Variants in MSRA observed in about 807,000 individuals in gnomAD.
MSRA encodes mitochondrial peptide methionine sulfoxide reductase.
Under a neutral mutation model 31.3 loss-of-function variants are expected in MSRA, and 54 were observed. The ratio of observed to expected loss-of-function variants is 1.73; its 90% confidence interval spans 1.39 to 2.17. MSRA has a LOEUF of 2.17. Ranked by LOEUF, MSRA falls within the 30% of genes most tolerant of loss-of-function variation. The pLI, the probability that MSRA is intolerant of heterozygous loss-of-function variation, is 0.00. For synonymous variants in MSRA, 169 were observed against 116.5 expected (o/e 1.45, Z -2.90); for missense variants, 507 against 300.9 (o/e 1.69, Z -5.07).
At chr8:10,252,074 T>C (rs1294490229) in intron 3 of MSRA, among the ~76,000 whole-genome samples, 4 of 152,258 alleles carry the variant, frequency 2.6e-5, no homozygotes, top group Admixed American at 6.5e-5. Flanking sequence ...AGCTGTATTA[T>C]ATGTTGATGT....
Position 10,165,856 on chromosome 8 carries a change from C to T in MSRA, c.143-41977C>T, listed in dbSNP as rs144508261. ...TCAAACACCATTCTCAGTTTTAAAA[C>T]GTGTTAAATAACTCTGTGAGCAGTT... On this transcript the variant is annotated intron_variant, in intron 1 of 5. Coordinates refer to ENST00000317173, the MANE Select transcript of MSRA (RefSeq NM_012331.5). Among the ~76,000 whole-genome samples, 44 of 151,870 alleles carry T rather than the reference C, an allele frequency of 2.9e-4. 2 individuals carry two copies. The East Asian group carries it at 5.4e-3, about 19-fold the overall frequency.
intron 3 of MSRA, among the ~76,000 whole-genome samples, chr8:10,274,649 C>A (rs1799223614): frequency 6.6e-6 from 1 of 152,116 alleles, no homozygotes; most frequent in Non-Finnish European, 1.5e-5. Context: ...CATGTGTTAT[C>A]CATATGCCTG....
At chr8:10,395,165 G>A (rs911672312) in intron 5 of MSRA, among the ~76,000 whole-genome samples, 6 of 152,144 alleles carry the variant, frequency 3.9e-5, no homozygotes, top group African/African-American at 1.2e-4. Flanking sequence ...GTGGCCGGGG[G>A]GAAGACTTTG....
chr8:10,231,051 G>T (rs1210414380), intron 2 of MSRA, among the ~76,000 whole-genome samples: 4 of 152,194 alleles, frequency 2.6e-5, no homozygotes, highest in African/African-American at 4.8e-5. Flanking sequence ...CTCCCAAAGT[G>T]CTGGGATTAC....
At chr8:10,231,466 G>A (rs995869674) in intron 2 of MSRA, among the ~76,000 whole-genome samples, 1 of 152,198 alleles carries the variant, frequency 6.6e-6, no homozygotes, top group East Asian at 1.9e-4. Flanking sequence ...GAGCCCCCCA[G>A]GTGGGGATCC....
Position 10,382,270 on chromosome 8 carries a change from C to T in MSRA, c.544-45878C>T, listed in dbSNP as rs578224764. Among the ~76,000 whole-genome samples, 4 of 152,312 alleles carry T rather than the reference C, an allele frequency of 2.6e-5. No individual in the cohort carries two copies. In the East Asian group the frequency reaches 7.7e-4, roughly 29 times the overall value. ...GCAGGCCCAGCAGCCCAGGAGCCTT[C>T]AGGCTTGAAGATGGCCCTGCCCTCA... is the stretch of plus-strand genomic sequence containing the variant. On this transcript the variant is annotated intron_variant, in intron 5 of 5. Transcript: ENST00000317173.
chr8:10,335,260 T>TG (rs1160001137), intron 5 of MSRA, among the ~76,000 whole-genome samples: 4 of 147,860 alleles, frequency 2.7e-5, no homozygotes, highest in Admixed American at 6.7e-5. Context: ...GTTTTTTTTT[T>TG]TTTTTTTTTT....
chr8:10,299,865 A>G (rs1800749034), intron 3 of MSRA, among the ~76,000 whole-genome samples: 2 of 152,252 alleles, frequency 1.3e-5, no homozygotes. Context: ...ACATTGATTT[A>G]GAAATTCCAT....
intron 1 of MSRA, among the ~76,000 whole-genome samples, chr8:10,108,645 G>T (rs750282510): frequency 1.1e-4 from 16 of 152,100 alleles, no homozygotes; most frequent in Non-Finnish European, 7.3e-5. Flanking sequence ...AGAAACTTTG[G>T]CCTGTGAGCA....
At chr8:10,198,694 G>C (rs1808211356) in intron 1 of MSRA, among the ~76,000 whole-genome samples, 1 of 152,182 alleles carries the variant, frequency 6.6e-6, no homozygotes, top group Admixed American at 6.5e-5. Flanking sequence ...GACAGTCATA[G>C]CTCAATGCAG....
At chr8:10,376,050 T>G (rs982614794) in intron 5 of MSRA, among the ~76,000 whole-genome samples, 1 of 152,148 alleles carries the variant, frequency 6.6e-6, no homozygotes, top group South Asian at 2.1e-4. Context: ...CTGGGGAAGA[T>G]TGCGTCTTCG....
chr8:10,172,396 G>C (rs1202671803), intron 1 of MSRA, among the ~76,000 whole-genome samples: 1 of 152,108 alleles, frequency 6.6e-6, no homozygotes, highest in East Asian at 1.9e-4. Context: ...TTCTGGCGCT[G>C]TCTCTGAAGC....
intron 2 of MSRA, among the ~76,000 whole-genome samples, chr8:10,231,634 G>A (rs1811482037): frequency 6.6e-6 from 1 of 152,234 alleles, no homozygotes; most frequent in Non-Finnish European, 1.5e-5. Context: ...CGGGTGCAGT[G>A]GCTCACGCCT....
intron 3 of MSRA, among the ~76,000 whole-genome samples, chr8:10,278,449 C>T (rs965941280): frequency 4.6e-5 from 7 of 152,190 alleles, no homozygotes; most frequent in Non-Finnish European, 5.9e-5. Flanking sequence ...GCTTTCCTCA[C>T]GTGGCAATTC....
At chr8:10,352,095 C>G (rs1428826596) in intron 5 of MSRA, among the ~76,000 whole-genome samples, 3 of 152,304 alleles carry the variant, frequency 2.0e-5, no homozygotes, top group South Asian at 2.1e-4. Flanking sequence ...AAATAGCTTC[C>G]TAGCTCCTGA....
chr8:10,350,870 C>T (rs1345173291), intron 5 of MSRA, among the ~76,000 whole-genome samples: 1 of 152,224 alleles, frequency 6.6e-6, no homozygotes, highest in African/African-American at 2.4e-5. Context: ...TCTGCCTAGT[C>T]AGCTGTCAGG....
intron 1 of MSRA, among the ~76,000 whole-genome samples, chr8:10,095,306 C>G (rs1799080880): frequency 6.6e-6 from 1 of 152,128 alleles, no homozygotes; most frequent in African/African-American, 2.4e-5. Flanking sequence ...TTCTAGTACT[C>G]CATTATTGCT....
chr8:10,172,151 C>T (rs941291815), intron 1 of MSRA, among the ~76,000 whole-genome samples: 6 of 152,256 alleles, frequency 3.9e-5, no homozygotes, highest in African/African-American at 1.2e-4. Context: ...TCCCTCCATG[C>T]CAATGTGTGG....
chr8:10,312,579 A>G lies in MSRA; in HGVS notation c.437-7304A>G, dbSNP rs957756990. ...TGATCCTTGCATAGTCTTGATACCAAAACTTAACTATGTAAGAAAAGAAAA... is the reference window on the plus strand; with the variant it reads ...TGATCCTTGCATAGTCTTGATACCAGAACTTAACTATGTAAGAAAAGAAAA... On this transcript the variant is annotated intron_variant, in intron 4 of 5. Coordinates refer to ENST00000317173, the MANE Select transcript of MSRA (RefSeq NM_012331.5). Among the ~76,000 whole-genome samples, 4 of 152,216 alleles carry G rather than the reference A, an allele frequency of 2.6e-5. No homozygotes were observed. The South Asian group carries it at 8.3e-4, about 31-fold the overall frequency.
Sources: gnomAD v4.1 joint callset for allele counts (sites outside exome capture counted in the v4.1 genomes callset) on GRCh38, gnomAD v4.1.1 for gene constraint, MANE v1.5 for transcripts, NCBI Gene and HGNC (gene_info 2026-07-23, HGNC 2026-07-21) for gene names.